The following COX11 variants were observed in gnomAD, a reference collection of about 807,000 sequenced individuals.
COX11 encodes cytochrome c oxidase copper chaperone COX11, also known as cytochrome c oxidase assembly protein COX11, mitochondrial.
In COX11, 18 loss-of-function variants were observed where a neutral mutation model predicts 29.4. The observed-to-expected ratio is 0.61, with a 90% confidence interval of 0.42 to 0.91. The LOEUF (loss-of-function observed/expected upper bound fraction) is 0.91, where lower values mean the gene tolerates loss of function less well. Among genes scored for constraint, COX11 ranks in the 40% least tolerant of loss-of-function variants. The pLI is 0.00. For synonymous variants in COX11, 131 were observed against 124.0 expected, an observed-to-expected ratio of 1.06 and a Z score of -0.38; for missense variants, 312 against 346.0, an observed-to-expected ratio of 0.90 and a Z score of 0.78.
At chr17:54,966,993 A>C (rs115680233) in intron 1 of COX11, among the ~76,000 whole-genome samples, 1,582 of 151,336 alleles carry the variant, frequency 0.01, 26 homozygotes, top group African/African-American at 0.036. Flanking sequence ...TGAGCAACAT[A>C]GGGAGACCTC....
In COX11 at chr17:54,968,302, G is replaced by T. The variant is rs780993250; in HGVS notation, c.345C>A (p.Pro115=). 26 of 1,612,640 alleles carry T rather than the reference G, an allele frequency of 1.6e-5. No homozygotes were observed. The highest frequency in any genetic ancestry group is 2.1e-5 in the Non-Finnish European group (25 of 1,179,878). The change falls in exon 1 of 4, where the codon CCC becomes CCA. Residue 115 remains proline, a synonymous_variant. Transcript: ENST00000299335. ...GMLGASYAAV[P]LYRLYCQTTG... ...CTACCTGGCAATAGAGCCGATAAAG[G>T]GGTACGGCAGCGTAGGACGCCCCCA...
exon 1 of COX11, chr17:54,954,769 CT>C (rs1325321919): frequency 6.6e-6 from 1 of 152,208 alleles, no homozygotes; most frequent in Non-Finnish European, 1.5e-5. Flanking sequence ...ATATAGTTCC[CT>C]TTGGCCAATT....
Position 54,960,484 on chromosome 17 carries a change from A to T in COX11, c.*2249T>A. 1 of 997,812 alleles carries T rather than the reference A, an allele frequency of 1.0e-6. No homozygotes were observed. Among genetic ancestry groups the T allele is most frequent in the Non-Finnish European group, 1.6e-6 (1 of 624,442 alleles). 61.8% of individuals were successfully genotyped at this position (997,812 alleles called of 1,614,324 possible). ...GAACTCCAAAACCAGCTCAATTTTT[A>T]ATTACAGTGCTGGCAGTTAAAAACC... On this transcript the variant is annotated 3_prime_UTR_variant, in exon 4 of 4. Transcript: ENST00000299335.
chr17:54,967,996 CTT>C (rs66732337), intron 1 of COX11, among the ~76,000 whole-genome samples: 2 of 124,488 alleles, frequency 1.6e-5, no homozygotes, highest in Non-Finnish European at 1.6e-5. Context: ...GGCTGCGGAC[CTT>C]TTTTTTTTTT....
At chr17:54,966,912 A>G (rs1412154480) in intron 1 of COX11, among the ~76,000 whole-genome samples, 2 of 152,224 alleles carry the variant, frequency 1.3e-5, no homozygotes, top group Non-Finnish European at 2.9e-5. Context: ...ATGGTGGCTC[A>G]CGCCTGTAAT....
intron 2 of COX11, 132 bp from the exon 3 acceptor site, chr17:54,963,563 A>G: frequency 1.2e-6 from 1 of 844,096 alleles, no homozygotes; most frequent in Non-Finnish European, 1.8e-6. Context: ...GTTCAGCAAA[A>G]TAAATTGTGA....
chr17:54,963,146 T>C (rs2077159596), intron 3 of COX11, 160 bp downstream of exon 3: 1 of 875,186 alleles, frequency 1.1e-6, no homozygotes, highest in Non-Finnish European at 1.7e-6. Context: ...GGTTTGGTTC[T>C]CAATCTCTGC....
chr17:54,960,564 A>G lies in COX11; in HGVS notation c.*2169T>C. 1 of 1,612,692 alleles carries G rather than the reference A, an allele frequency of 6.2e-7. No individual in the cohort carries two copies. Among genetic ancestry groups the G allele is most frequent in the Non-Finnish European group, 8.5e-7 (1 of 1,179,318 alleles). On this transcript the variant is annotated 3_prime_UTR_variant, in exon 4 of 4. Coordinates refer to ENST00000299335, the MANE Select transcript of COX11 (RefSeq NM_004375.5). ...CCTTTTGCTGTGATGGCTTTGTTTC[A>G]GAGCTATTTATGAAGAAATTGATGC...
chr17:54,963,494 C>CAAAA, intron 2 of COX11, 63 bp from the exon 3 acceptor site: 1 of 1,495,504 alleles, frequency 6.7e-7, no homozygotes, highest in Non-Finnish European at 9.0e-7. Context: ...CTTTTCCCTG[C>CAAAA]TAAATTAGTC....
exon 1 of COX11, chr17:54,954,477 G>A (rs2049392090): frequency 6.6e-6 from 1 of 152,266 alleles, no homozygotes; most frequent in South Asian, 2.1e-4. Context: ...AGTGCAACAG[G>A]GGCCTGCTAT....
At chr17:54,958,692 T>C (rs2077019326), downstream of COX11, among the ~76,000 whole-genome samples, 1 of 136,246 alleles carries the variant, frequency 7.3e-6, no homozygotes, top group African/African-American at 2.7e-5. Flanking sequence ...ATCCCACTAT[T>C]GCACTCTAGC....
chr17:54,963,159 A>G, intron 3 of COX11, 147 bp downstream of exon 3: 1 of 904,708 alleles, frequency 1.1e-6, no homozygotes, highest in Non-Finnish European at 1.7e-6. Flanking sequence ...ATCTCTGCAT[A>G]GCAGGTATAG....
intron 2 of COX11, among the ~76,000 whole-genome samples, 181 bp from the exon 3 acceptor site, chr17:54,963,612 T>TAGATAAAGTTTA (rs1236822934): frequency 6.6e-6 from 1 of 152,082 alleles, no homozygotes; most frequent in Admixed American, 6.5e-5. Context: ...AAAACTTACT[T>TAGATAAAGTTTA]GCATATGTCA....
upstream of COX11, among the ~76,000 whole-genome samples, chr17:54,955,383 A>C (rs1348574943): frequency 6.6e-6 from 1 of 152,090 alleles, no homozygotes; most frequent in African/African-American, 2.4e-5. Context: ...TGTTCATGTA[A>C]CCTTTGTATC....
intron 1 of COX11, among the ~76,000 whole-genome samples, chr17:54,967,996 C>CTTTTTTTT (rs66732337): frequency 1.6e-5 from 2 of 124,512 alleles, no homozygotes; most frequent in African/African-American, 3.0e-5. Context: ...GGCTGCGGAC[C>CTTTTTTTT]TTTTTTTTTT....
At chr17:54,958,520 C>T (rs983463722), downstream of COX11, 3 of 152,228 alleles carry the variant, frequency 2.0e-5, no homozygotes, top group Non-Finnish European at 4.4e-5. Flanking sequence ...CGCCTGAAGT[C>T]AGGAGTTTGA....
At chr17:54,967,040 G>GCACACACACA (rs1491115527) in intron 1 of COX11, among the ~76,000 whole-genome samples, 1 of 38,448 alleles carries the variant, frequency 2.6e-5, no homozygotes, top group African/African-American at 5.4e-5. Context: ...GTGCGCGCGC[G>GCACACACACA]CGCACACACA....
Position 54,960,440 on chromosome 17 carries a change from T to C in COX11, c.*2293A>G. 1.5e-6 allele frequency: 1 copy of C among 683,918 alleles called. No individual in the cohort carries two copies. Among genetic ancestry groups the C allele is most frequent in the South Asian group, 1.7e-5 (1 of 58,666 alleles). The allele number at this position is 683,918 out of a possible 1,614,324, so 42.4% of individuals were successfully genotyped here. A position where few individuals can be genotyped will look rare whatever the true frequency, so the allele number is the denominator to read the frequency against. On this transcript the variant is annotated 3_prime_UTR_variant, in exon 4 of 4. Coordinates refer to ENST00000299335, the MANE Select transcript of COX11 (RefSeq NM_004375.5). ...TACACACTTCAGGGCAGAGACTTAT[T>C]TTTACTCATATGTAGCCTGAACTCC... is the stretch of plus-strand genomic sequence containing the variant.
At position 54,961,569 on chromosome 17, in the gene COX11, A is replaced by G. The variant is rs2077125935; in HGVS notation, c.*1164T>C. 2.3e-6 allele frequency: 3 copies of G among 1,314,686 alleles called. No homozygotes were observed. The highest frequency in any genetic ancestry group is 7.1e-5 in the Admixed American group (2 of 28,104). The allele number at this position is 1,314,686 out of a possible 1,614,324, so 81.4% of individuals were successfully genotyped here. On this transcript the variant is annotated 3_prime_UTR_variant, in exon 4 of 4. Transcript: ENST00000299335. Reference sequence around the variant, plus strand: ...ATTTAGAAATCGTCACACAGCTGTGATAAGAGTAGATTATTTTACTATGAA... The same window carrying G: ...ATTTAGAAATCGTCACACAGCTGTGGTAAGAGTAGATTATTTTACTATGAA...
Sources: gnomAD v4.1 joint callset for allele counts (sites outside exome capture counted in the v4.1 genomes callset) on GRCh38, gnomAD v4.1.1 for gene constraint, MANE v1.5 for transcripts, NCBI Gene and HGNC (gene_info 2026-07-23, HGNC 2026-07-21) for gene names.